EFNA5: variants seen among roughly 807,000 people sequenced by gnomAD.
EFNA5 encodes the protein ephrin-A5.
Under a neutral mutation model 22.9 loss-of-function variants are expected in EFNA5, and 5 were observed. That is an observed-to-expected ratio of 0.22 (90% CI 0.11 to 0.46). EFNA5 has a LOEUF of 0.46. Ranked by LOEUF, EFNA5 falls within the 20% of genes least tolerant of loss-of-function variation. The pLI is 0.99. For synonymous variants in EFNA5, 113 were observed against 112.2 expected (o/e 1.01, Z -0.04); for missense variants, 237 against 293.3 (o/e 0.81, Z 1.40).
At chr5:107,627,763 T>C (rs1027485072) in intron 1 of EFNA5, among the ~76,000 whole-genome samples, 4 of 152,206 alleles carry the variant, frequency 2.6e-5, no homozygotes, top group African/African-American at 9.7e-5. Flanking sequence ...GTATTTTATA[T>C]TTGATGAATT....
chr5:107,403,494 C>T (rs1007482587), intron 2 of EFNA5, among the ~76,000 whole-genome samples: 1 of 152,212 alleles, frequency 6.6e-6, no homozygotes, highest in African/African-American at 2.4e-5. Context: ...GCCTGGCTCA[C>T]CCGTTGCAGG....
intron 1 of EFNA5, among the ~76,000 whole-genome samples, chr5:107,564,840 G>C (rs1459944392): frequency 6.6e-6 from 1 of 152,050 alleles, no homozygotes; most frequent in African/African-American, 2.4e-5. Context: ...TCTTTAACTA[G>C]CTGAATGGGT....
intron 1 of EFNA5, among the ~76,000 whole-genome samples, chr5:107,637,423 G>C (rs1750395827): frequency 1.3e-5 from 2 of 151,958 alleles, no homozygotes; most frequent in African/African-American, 4.8e-5. Context: ...ATGCTAACAG[G>C]AGATGAATAA....
intron 2 of EFNA5, among the ~76,000 whole-genome samples, chr5:107,405,899 T>C (rs1033458211): frequency 6.7e-6 from 1 of 148,274 alleles, no homozygotes; most frequent in Non-Finnish European, 1.5e-5. Context: ...ATTCTATGTA[T>C]TTATATACAT....
At chr5:107,564,407 T>C (rs115062957) in intron 1 of EFNA5, among the ~76,000 whole-genome samples, 1,541 of 152,262 alleles carry the variant, frequency 0.01, 35 homozygotes, top group African/African-American at 0.035. Context: ...TATACAGCAT[T>C]TGGTATGTGC....
intron 1 of EFNA5, among the ~76,000 whole-genome samples, chr5:107,508,767 T>A (rs1342205838): frequency 6.6e-6 from 1 of 152,244 alleles, no homozygotes; most frequent in Non-Finnish European, 1.5e-5. Flanking sequence ...CTTGTTTTTA[T>A]AATAATGAGA....
At chr5:107,543,176 A>G (rs925490437) in intron 1 of EFNA5, among the ~76,000 whole-genome samples, 1 of 152,132 alleles carries the variant, frequency 6.6e-6, no homozygotes, top group South Asian at 2.1e-4. Context: ...AACAGCTGAT[A>G]CATCTGTGCA....
At chr5:107,480,967 G>T (rs1750443439) in intron 1 of EFNA5, among the ~76,000 whole-genome samples, 1 of 152,220 alleles carries the variant, frequency 6.6e-6, no homozygotes, top group Non-Finnish European at 1.5e-5. Flanking sequence ...AAGAGAAATA[G>T]ATGTGGTCAC....
chr5:107,644,182 G>T (rs1388721382), intron 1 of EFNA5, among the ~76,000 whole-genome samples: 1 of 152,046 alleles, frequency 6.6e-6, no homozygotes, highest in African/African-American at 2.4e-5. Context: ...GCAGGCGGAA[G>T]GTTTTTGTGC....
intron 2 of EFNA5, among the ~76,000 whole-genome samples, chr5:107,400,504 T>A (rs181526179): frequency 6.6e-6 from 1 of 152,292 alleles, no homozygotes; most frequent in Non-Finnish European, 1.5e-5. Context: ...CCTACTAGTA[T>A]AACTGACAGT....
At chr5:107,491,195 G>A (rs12109020) in intron 1 of EFNA5, among the ~76,000 whole-genome samples, 6,434 of 152,216 alleles carry the variant, frequency 0.042, 464 homozygotes, top group African/African-American at 0.15. Context: ...GGCCTCCAAC[G>A]ACAGGACAAG....
chr5:107,475,308 A>G (rs192470256), intron 1 of EFNA5, among the ~76,000 whole-genome samples: 7 of 152,248 alleles, frequency 4.6e-5, no homozygotes, highest in African/African-American at 1.7e-4. Flanking sequence ...ATCATTTCAC[A>G]TACTTCACAC....
chr5:107,658,470 T>TA (rs1561462361), intron 1 of EFNA5, among the ~76,000 whole-genome samples: 1 of 152,204 alleles, frequency 6.6e-6, no homozygotes, highest in Non-Finnish European at 1.5e-5. Flanking sequence ...AACTTCAATG[T>TA]AAAAATCTGT....
At chr5:107,450,268 G>A (rs546510801) in intron 1 of EFNA5, among the ~76,000 whole-genome samples, 1 of 152,076 alleles carries the variant, frequency 6.6e-6, no homozygotes, top group Admixed American at 6.5e-5. Context: ...GTTTGTTTAG[G>A]ATTCCAAAGG....
chr5:107,421,351 C>A (rs776601250), intron 2 of EFNA5, among the ~76,000 whole-genome samples: 1 of 152,172 alleles, frequency 6.6e-6, no homozygotes, highest in Non-Finnish European at 1.5e-5. Context: ...CTTTTAGTAT[C>A]ATTTTCAGAA....
chr5:107,381,526 T>A, intron 4 of EFNA5, 150 bp from the exon 5 acceptor site: 1 of 886,676 alleles, frequency 1.1e-6, no homozygotes, highest in Non-Finnish European at 1.6e-6. Flanking sequence ...GCATAATCAC[T>A]CATTATTTAC....
intron 1 of EFNA5, among the ~76,000 whole-genome samples, chr5:107,632,868 T>C (rs182182948): frequency 6.6e-6 from 1 of 152,322 alleles, no homozygotes; most frequent in East Asian, 1.9e-4. Flanking sequence ...CCCCAAAATA[T>C]TTACGTTTTA....
intron 1 of EFNA5, among the ~76,000 whole-genome samples, chr5:107,471,393 C>T (rs1367359007): frequency 6.6e-6 from 1 of 152,148 alleles, no homozygotes; most frequent in African/African-American, 2.4e-5. Flanking sequence ...GATCTCTTCC[C>T]TTTCTGAGAC....
At chr5:107,645,182 A>G (rs1232396522) in intron 1 of EFNA5, among the ~76,000 whole-genome samples, 1 of 152,240 alleles carries the variant, frequency 6.6e-6, no homozygotes, top group Non-Finnish European at 1.5e-5. Flanking sequence ...GTCTTCAGCT[A>G]TCCAGACATG....
Sources: allele counts gnomAD v4.1 joint callset (sites outside exome capture counted in the v4.1 genomes callset), GRCh38; gene constraint gnomAD v4.1.1; transcripts MANE v1.5; gene names NCBI Gene and HGNC (gene_info 2026-07-23, HGNC 2026-07-21).